MCC: variants seen among roughly 807,000 people sequenced by gnomAD.
MCC encodes MCC regulator of Wnt signaling pathway, also known as colorectal mutant cancer protein.
A neutral mutation model predicts 116.2 loss-of-function variants in MCC; 90 were observed. The observed-to-expected ratio is 0.77, with a 90% CI of 0.65 to 0.92. MCC has a LOEUF of 0.92. Ranked by LOEUF, MCC falls within the 40% of genes least tolerant of loss-of-function variation. The pLI is 0.00. For missense variants in MCC, 1,516 were observed against 1,312.2 expected (o/e 1.16, Z -2.40); for synonymous variants, 578 against 510.5 (o/e 1.13, Z -1.78).
In MCC at chr5:113,327,500, C is replaced by G. The variant is rs1465075519; in HGVS notation, c.627+13019G>C. On this transcript the variant is annotated intron_variant, in intron 3 of 18. Coordinates refer to ENST00000408903, the MANE Select transcript of MCC (RefSeq NM_001085377.2). Reference sequence around the variant, plus strand: ...GGCAGAGGTTGCAGTGAGCCGAGGTCGTGCTACTGTACTCCAGCCTGGGTG... The same window carrying G: ...GGCAGAGGTTGCAGTGAGCCGAGGTGGTGCTACTGTACTCCAGCCTGGGTG... Among the ~76,000 whole-genome samples the G allele has an allele frequency of 5.9e-5, 8 of 136,464 alleles. No homozygotes were observed. The East Asian group carries it at 1.7e-3, about 29-fold the overall frequency. The allele number at this position is 136,464 out of a possible 152,430, so 89.5% of individuals were successfully genotyped here. A position where few individuals can be genotyped will look rare whatever the true frequency, so the allele number is the denominator to read the frequency against.
At chr5:113,139,012 A>G (rs75196854) in intron 5 of MCC, among the ~76,000 whole-genome samples, 9,145 of 152,206 alleles carry the variant, frequency 0.06, 616 homozygotes, top group African/African-American at 0.17. Context: ...TTTGACTATA[A>G]TGATCTAGTA....
intron 8 of MCC, among the ~76,000 whole-genome samples, chr5:113,096,242 G>A (rs1005283022): frequency 6.6e-6 from 1 of 152,240 alleles, no homozygotes; most frequent in African/African-American, 2.4e-5. Flanking sequence ...AGGACACTTG[G>A]AGAAGCTCTT....
At chr5:113,446,901 A>AAT (rs1771235943) in intron 1 of MCC, among the ~76,000 whole-genome samples, 1 of 152,166 alleles carries the variant, frequency 6.6e-6, no homozygotes, top group African/African-American at 2.4e-5. Context: ...AGTATCACAC[A>AAT]ATATACCCAG....
intron 8 of MCC, among the ~76,000 whole-genome samples, chr5:113,094,707 A>C (rs1665366527): frequency 6.6e-6 from 1 of 152,306 alleles, no homozygotes; most frequent in African/African-American, 2.4e-5. Context: ...GGCATGAGCC[A>C]CCGCTCCCGG....
chr5:113,138,174 G>A (rs1407722760), intron 5 of MCC, among the ~76,000 whole-genome samples: 1 of 151,982 alleles, frequency 6.6e-6, no homozygotes, highest in Non-Finnish European at 1.5e-5. Context: ...GCACCACCAC[G>A]CCCAGCTAAC....
intron 11 of MCC, among the ~76,000 whole-genome samples, chr5:113,079,378 G>A (rs374237039): frequency 6.6e-6 from 1 of 152,200 alleles, no homozygotes; most frequent in Non-Finnish European, 1.5e-5. Flanking sequence ...GAACAAAGCT[G>A]GAGGCATCAT....
At chr5:113,054,497 T>A (rs1437455148) in intron 14 of MCC, among the ~76,000 whole-genome samples, 1 of 152,268 alleles carries the variant, frequency 6.6e-6, no homozygotes, top group South Asian at 2.1e-4. Context: ...GATCCACAGA[T>A]GCGTGTCACA....
chr5:113,129,307 G>T (rs1331063515), intron 5 of MCC, among the ~76,000 whole-genome samples: 1 of 152,078 alleles, frequency 6.6e-6, no homozygotes, highest in Non-Finnish European at 1.5e-5. Flanking sequence ...AAGGAAAGAG[G>T]GCCTAGGGTC....
At chr5:113,114,110 C>A (rs1279835857) in intron 6 of MCC, among the ~76,000 whole-genome samples, 1 of 151,666 alleles carries the variant, frequency 6.6e-6, no homozygotes, top group Non-Finnish European at 1.5e-5. Context: ...TACACAAACA[C>A]AAATGGGAGC....
At chr5:113,036,623 A>G (rs1367284048) in intron 17 of MCC, among the ~76,000 whole-genome samples, 1 of 151,974 alleles carries the variant, frequency 6.6e-6, no homozygotes, top group East Asian at 1.9e-4. Context: ...TTTTGCCCAG[A>G]CTTTGCTATG....
At position 113,119,639 on chromosome 5, in the gene MCC, C is replaced by G. The variant is rs549803812; in HGVS notation, c.1027+3045G>C. Among the ~76,000 whole-genome samples, 32 of 152,260 alleles carry G rather than the reference C, an allele frequency of 2.1e-4. No homozygotes were observed. The East Asian group carries it at 2.5e-3, about 12-fold the overall frequency. The stretch of plus-strand genomic sequence containing the variant: ...TGAGGGTGGGAGCACAATGACCTGA[C>G]AGCAGATTCTGTCTTTCATCCCCAG... On this transcript the variant is annotated intron_variant, in intron 6 of 18. Coordinates refer to ENST00000408903, the MANE Select transcript of MCC (RefSeq NM_001085377.2).
At chr5:113,365,610 G>C (rs754762777) in intron 2 of MCC, among the ~76,000 whole-genome samples, 9 of 152,010 alleles carry the variant, frequency 5.9e-5, no homozygotes, top group Non-Finnish European at 1.3e-4. Context: ...CCACTACTTG[G>C]TACCAATTTT....
At chr5:113,405,669 T>C (rs1769810986) in intron 1 of MCC, among the ~76,000 whole-genome samples, 1 of 151,980 alleles carries the variant, frequency 6.6e-6, no homozygotes, top group Non-Finnish European at 1.5e-5. Context: ...TAGCCAGGCG[T>C]GGTGGCATGT....
chr5:113,131,389 A>C (rs1758418946), intron 5 of MCC, among the ~76,000 whole-genome samples: 1 of 152,194 alleles, frequency 6.6e-6, no homozygotes, highest in South Asian at 2.1e-4. Flanking sequence ...ACATATTACA[A>C]AACAGTGCGT....
intron 3 of MCC, among the ~76,000 whole-genome samples, chr5:113,170,461 G>A (rs1761013773): frequency 6.6e-6 from 1 of 152,034 alleles, no homozygotes; most frequent in African/African-American, 2.4e-5. Flanking sequence ...TTATTTCTGT[G>A]GCGTCATTAA....
intron 1 of MCC, among the ~76,000 whole-genome samples, chr5:113,423,459 A>T (rs1027756060): frequency 2.7e-4 from 41 of 152,242 alleles, no homozygotes; most frequent in Non-Finnish European, 3.1e-4. Flanking sequence ...TAGAAGCAAC[A>T]ATTCAATATT....
At chr5:113,034,856 G>A (rs573085745) in intron 17 of MCC, among the ~76,000 whole-genome samples, 1 of 152,324 alleles carries the variant, frequency 6.6e-6, no homozygotes, top group East Asian at 1.9e-4. Flanking sequence ...CTCATGGCTT[G>A]CACAAGGCCT....
intron 16 of MCC, chr5:113,048,523 A>T: frequency 6.5e-6 from 1 of 153,060 alleles, no homozygotes; most frequent in Middle Eastern, 3.4e-3. Context: ...ATGTAATAAA[A>T]GCCCCAAAGT....
At chr5:113,411,740 T>C (rs186308078) in intron 1 of MCC, among the ~76,000 whole-genome samples, 13 of 152,306 alleles carry the variant, frequency 8.5e-5, no homozygotes, top group South Asian at 2.1e-4. Flanking sequence ...ACTCTGATGG[T>C]AGTTTCTTTT....
Sources: allele counts gnomAD v4.1 joint callset (sites outside exome capture counted in the v4.1 genomes callset), GRCh38; gene constraint gnomAD v4.1.1; transcripts MANE v1.5; gene names NCBI Gene and HGNC (gene_info 2026-07-23, HGNC 2026-07-21).